The following SCHIP1 variants were observed in gnomAD, a reference collection of about 807,000 sequenced individuals.
SCHIP1 encodes the protein schwannomin interacting protein 1, also known as schwannomin-interacting protein 1.
SCHIP1 carries 8 observed loss-of-function variants against 29.7 expected under a neutral mutation model. That is an observed-to-expected ratio of 0.27 (90% CI 0.16 to 0.49). The LOEUF is 0.49. SCHIP1 is among the 20% of genes least tolerant of loss of function. SCHIP1 has a pLI of 0.99. For synonymous variants in SCHIP1, 76 were observed against 94.9 expected, an observed-to-expected ratio of 0.80 and a Z score of 1.16; for missense variants, 193 against 294.6, an observed-to-expected ratio of 0.66 and a Z score of 2.52.
At chr3:159,820,805 T>A in the SCHIP1 span, among the ~76,000 whole-genome samples, 2 of 152,094 alleles carry the variant, frequency 1.3e-5, no homozygotes, top group Non-Finnish European at 2.9e-5. Flanking sequence ...GCCAAGAAAA[T>A]GGATGACCTT....
chr3:159,694,339 G>A, the SCHIP1 span, among the ~76,000 whole-genome samples: 35 of 152,060 alleles, frequency 2.3e-4, no homozygotes, highest in African/African-American at 8.4e-4. Flanking sequence ...GGCCAACATG[G>A]TGAAACCCCG....
the SCHIP1 span, among the ~76,000 whole-genome samples, chr3:159,612,765 A>G: frequency 6.6e-6 from 1 of 152,174 alleles, no homozygotes; most frequent in Non-Finnish European, 1.5e-5. Flanking sequence ...AAAATCCTTT[A>G]CCAAAGACTT....
chr3:159,839,844 C>T (rs773292962), upstream of SCHIP1: 32 of 1,279,064 alleles, frequency 2.5e-5, no homozygotes, highest in Non-Finnish European at 3.1e-5. Flanking sequence ...AAGGTCACAC[C>T]AGCTCCAGAC....
At chr3:159,305,910 C>G in the SCHIP1 span, among the ~76,000 whole-genome samples, 22 of 152,258 alleles carry the variant, frequency 1.4e-4, no homozygotes, top group East Asian at 1.9e-3. Context: ...CTTGTCTTTC[C>G]CTTCACAATC....
At chr3:159,529,808 C>T in the SCHIP1 span, among the ~76,000 whole-genome samples, 4 of 152,176 alleles carry the variant, frequency 2.6e-5, no homozygotes, top group Non-Finnish European at 5.9e-5. Context: ...TCCCTCCTTC[C>T]ATGAGATCAA....
At chr3:159,431,131 AC>A in the SCHIP1 span, among the ~76,000 whole-genome samples, 1 of 151,084 alleles carries the variant, frequency 6.6e-6, no homozygotes, top group African/African-American at 2.4e-5. Context: ...GAGGAAAAAA[AC>A]AACACAAAAC....
At chr3:159,682,640 A>T in the SCHIP1 span, among the ~76,000 whole-genome samples, 107 of 152,308 alleles carry the variant, frequency 7.0e-4, no homozygotes, top group Non-Finnish European at 1.2e-3. Context: ...AGTAGAATTG[A>T]CAGAGCGTCT....
the SCHIP1 span, among the ~76,000 whole-genome samples, chr3:159,624,426 G>T: frequency 6.6e-6 from 1 of 152,204 alleles, no homozygotes; most frequent in Non-Finnish European, 1.5e-5. Context: ...AACGGGCAAA[G>T]GTATAATATT....
Position 159,840,269 on chromosome 3 carries a change from C to T in SCHIP1, c.30+55C>T, listed in dbSNP as rs150093782. On this transcript the variant is annotated intron_variant, in intron 1 of 6. Coordinates refer to ENST00000445224, the Ensembl canonical transcript of SCHIP1. ...GCATCCTTTGGGAGAGGAGGCCTTC[C>T]TCTTCCAAAGCAGCAGGTTGCCTCT... 2.0e-4 allele frequency: 292 copies of T among 1,445,814 alleles called. No homozygotes were observed. In the African/African-American group the frequency reaches 3.6e-3, roughly 18 times the overall value. 89.6% of individuals were successfully genotyped at this position (1,445,814 alleles called of 1,614,324 possible). A position where few individuals can be genotyped will look rare whatever the true frequency, so the allele number is the denominator to read the frequency against.
the SCHIP1 span, among the ~76,000 whole-genome samples, chr3:159,444,550 T>C: frequency 1.8e-3 from 267 of 152,326 alleles, 1 homozygote; most frequent in African/African-American, 6.2e-3. Context: ...AAGTGGTTAA[T>C]TGAATTTCTC....
At chr3:159,712,826 G>GAGAA in the SCHIP1 span, among the ~76,000 whole-genome samples, 317 of 148,712 alleles carry the variant, frequency 2.1e-3, 1 homozygote, top group Middle Eastern at 3.4e-3. Flanking sequence ...AGAAAGAAGA[G>GAGAA]AGAAAGAAAG....
upstream of SCHIP1, among the ~76,000 whole-genome samples, chr3:159,835,774 G>A: frequency 6.6e-6 from 1 of 152,136 alleles, no homozygotes; most frequent in South Asian, 2.1e-4. Context: ...TTCCGGGTCA[G>A]TTCCTGACCC....
At chr3:159,448,888 G>C in the SCHIP1 span, among the ~76,000 whole-genome samples, 1 of 152,130 alleles carries the variant, frequency 6.6e-6, no homozygotes, top group South Asian at 2.1e-4. Context: ...ATGACAGCCA[G>C]GAATTGAATA....
the SCHIP1 span, among the ~76,000 whole-genome samples, chr3:159,486,235 C>T: frequency 0.44 from 67,247 of 151,908 alleles, 15,714 homozygotes; most frequent in East Asian, 0.68. Flanking sequence ...CACATTAGAT[C>T]TCCAGAACCT....
At chr3:159,685,706 C>A in the SCHIP1 span, among the ~76,000 whole-genome samples, 6 of 151,910 alleles carry the variant, frequency 3.9e-5, no homozygotes, top group African/African-American at 1.5e-4. Flanking sequence ...TTCAGAACAC[C>A]TTTTTTTTCC....
At chr3:159,711,879 G>A in the SCHIP1 span, among the ~76,000 whole-genome samples, 16 of 152,184 alleles carry the variant, frequency 1.1e-4, no homozygotes, top group Admixed American at 6.5e-4. Flanking sequence ...TCAGAGGACC[G>A]GAAATCAGTA....
chr3:159,273,847 A>G, the SCHIP1 span: 3 of 1,613,496 alleles, frequency 1.9e-6, no homozygotes, highest in Non-Finnish European at 1.7e-6. Flanking sequence ...AGCGTGTTAC[A>G]ACGTGGGACT....
At chr3:159,296,493 G>T in the SCHIP1 span, among the ~76,000 whole-genome samples, 1 of 152,146 alleles carries the variant, frequency 6.6e-6, no homozygotes, top group Non-Finnish European at 1.5e-5. Context: ...GCTCTCTCAG[G>T]CTGGGTGTGG....
At chr3:159,273,922 T>C in the SCHIP1 span, 263 of 1,608,758 alleles carry the variant, frequency 1.6e-4, no homozygotes, top group Non-Finnish European at 2.2e-4. Flanking sequence ...TTTAGGTGTA[T>C]CATATTTTTA....
Sources: gnomAD v4.1 joint callset for allele counts (sites outside exome capture counted in the v4.1 genomes callset) on GRCh38, gnomAD v4.1.1 for gene constraint, MANE v1.5 for transcripts, NCBI Gene and HGNC (gene_info 2026-07-23, HGNC 2026-07-21) for gene names.